Variants in ABI1 observed in about 807,000 individuals in gnomAD.
ABI1 encodes the protein Abelson interactor 1.
A neutral mutation model predicts 54.6 loss-of-function variants in ABI1; 14 were observed. That is an observed-to-expected ratio of 0.26 (90% CI 0.17 to 0.40). The LOEUF is 0.40. Ranked by LOEUF, ABI1 falls within the 10% of genes least tolerant of loss-of-function variation. ABI1 has a pLI of 1.00. For synonymous variants in ABI1, 194 were observed against 209.3 expected (o/e 0.93, Z 0.63); for missense variants, 443 against 598.3 (o/e 0.74, Z 2.71).
At chr10:26,846,021 G>A (rs987176908) in intron 1 of ABI1, among the ~76,000 whole-genome samples, 1 of 151,850 alleles carries the variant, frequency 6.6e-6, no homozygotes, top group Non-Finnish European at 1.5e-5. Context: ...GTGGGTACCT[G>A]TAATCCCAGC....
At chr10:26,835,777 A>AT (rs71281567) in intron 1 of ABI1, among the ~76,000 whole-genome samples, 29,199 of 144,054 alleles carry the variant, frequency 0.2, 3,263 homozygotes, top group African/African-American at 0.28. Context: ...TTTTACTAAT[A>AT]TTTTTTTTTT....
rs181160592 is a variant in ABI1 at position 26,848,099 on chromosome 10, T to C, written c.117+12648A>G. 2.1e-4 allele frequency among the ~76,000 whole-genome samples: 31 copies of C among 150,070 alleles called. 1 individual carries two copies. The East Asian group carries it at 6.0e-3, about 29-fold the overall frequency. ...CTGTAATTCCAGCTATTTGGGAGGCTGAGGTGGGAGGATGACCTGAGCCCA... is the reference window on the plus strand; with the variant it reads ...CTGTAATTCCAGCTATTTGGGAGGCCGAGGTGGGAGGATGACCTGAGCCCA... On this transcript the variant is annotated intron_variant, in intron 1 of 10. Coordinates refer to ENST00000376140, the MANE Select transcript of ABI1 (RefSeq NM_001012750.3).
intron 1 of ABI1, among the ~76,000 whole-genome samples, chr10:26,833,301 A>C (rs1288417027): frequency 6.6e-6 from 1 of 152,170 alleles, no homozygotes; most frequent in African/African-American, 2.4e-5. Flanking sequence ...GTTTAACTAT[A>C]ATGTAGAATA....
intron 1 of ABI1, among the ~76,000 whole-genome samples, chr10:26,823,897 G>A (rs2048141834): frequency 6.6e-6 from 1 of 151,792 alleles, no homozygotes. Flanking sequence ...ACAAACTGTA[G>A]GTGGGTAAGA....
At chr10:26,807,477 G>A (rs953750434) in intron 2 of ABI1, among the ~76,000 whole-genome samples, 2 of 151,610 alleles carry the variant, frequency 1.3e-5, no homozygotes, top group Non-Finnish European at 2.9e-5. Context: ...AGTGAGACCC[G>A]GCCTCAAAAA....
chr10:26,811,776 T>TGC (rs2047250385), intron 2 of ABI1, among the ~76,000 whole-genome samples: 1 of 87,402 alleles, frequency 1.1e-5, no homozygotes, highest in African/African-American at 3.5e-5. Context: ...TAAATTTGTA[T>TGC]AAATTTATGC....
At chr10:26,808,248 T>C (rs2046999131) in intron 2 of ABI1, among the ~76,000 whole-genome samples, 1 of 152,234 alleles carries the variant, frequency 6.6e-6, no homozygotes, top group South Asian at 2.1e-4. Flanking sequence ...GTAAGAAGAC[T>C]CATTTGATAG....
chr10:26,843,985 T>C (rs1023905595), intron 1 of ABI1, among the ~76,000 whole-genome samples: 11 of 152,196 alleles, frequency 7.2e-5, no homozygotes, highest in Admixed American at 2.6e-4. Context: ...TGTCAGGACA[T>C]AGCAAAAGCA....
At chr10:26,763,597 G>A (rs1839517320) in intron 7 of ABI1, among the ~76,000 whole-genome samples, 2 of 148,986 alleles carry the variant, frequency 1.3e-5, no homozygotes, top group Admixed American at 1.4e-4. Context: ...CGGGGCAGGG[G>A]GGATTAGACT....
chr10:26,777,172 A>T lies in ABI1; in HGVS notation c.355T>A (p.Ser119Thr). The change falls in exon 3 of 11, where the codon TCA (serine) becomes ACA (threonine). Residue 119 changes from serine to threonine, a missense_variant. Ser to Thr is a moderately conservative substitution (Grantham distance 58, BLOSUM62 1). This residue lies in a region of ABI1 where 394 missense variants were observed against 484.8 expected (regional missense o/e 0.81). Coordinates refer to ENST00000376140, the MANE Select transcript of ABI1 (RefSeq NM_001012750.3). ...IGILTTNKNT[S>T]RTHKIIAPAN... ...GGTGCTATTATTTTGTGAGTTCTTG[A>T]TGTATTCTTATTTGTTGTCAAAATA... The T allele has an allele frequency of 6.2e-7, 1 of 1,613,790 alleles. No homozygotes were observed. Among genetic ancestry groups the T allele is most frequent in the Non-Finnish European group, 8.5e-7 (1 of 1,179,838 alleles).
At chr10:26,754,862 T>C (rs1235763353) in intron 9 of ABI1, among the ~76,000 whole-genome samples, 1 of 152,178 alleles carries the variant, frequency 6.6e-6, no homozygotes, top group African/African-American at 2.4e-5. Flanking sequence ...GGATTACACA[T>C]CTTCTGGAAT....
At chr10:26,819,480 G>A (rs1175175517) in intron 2 of ABI1, among the ~76,000 whole-genome samples, 1 of 152,148 alleles carries the variant, frequency 6.6e-6, no homozygotes, top group Admixed American at 6.5e-5. Flanking sequence ...CAGAATTATA[G>A]TTGGAGATTT....
intron 1 of ABI1, among the ~76,000 whole-genome samples, chr10:26,846,583 T>C (rs762971258): frequency 6.6e-6 from 1 of 152,130 alleles, no homozygotes; most frequent in Non-Finnish European, 1.5e-5. Flanking sequence ...CCTCAAGCGA[T>C]GGGCCCACCT....
intron 2 of ABI1, among the ~76,000 whole-genome samples, chr10:26,807,253 C>G (rs911006538): frequency 6.6e-6 from 1 of 152,106 alleles, no homozygotes; most frequent in Non-Finnish European, 1.5e-5. Context: ...GGTGGTGGAT[C>G]GCTTGAGCCC....
intron 2 of ABI1, among the ~76,000 whole-genome samples, chr10:26,794,819 C>T (rs1468475797): frequency 6.6e-6 from 1 of 151,996 alleles, no homozygotes; most frequent in Non-Finnish European, 1.5e-5. Flanking sequence ...ATAATAAATA[C>T]AACTCATCTT....
intron 2 of ABI1, among the ~76,000 whole-genome samples, chr10:26,778,232 T>G (rs1170830231): frequency 6.6e-6 from 1 of 152,192 alleles, no homozygotes; most frequent in East Asian, 1.9e-4. Flanking sequence ...AATATTTTTT[T>G]AATTTAGTTG....
At chr10:26,853,314 A>ATTT (rs1564589140) in intron 1 of ABI1, among the ~76,000 whole-genome samples, 7 of 143,552 alleles carry the variant, frequency 4.9e-5, no homozygotes, top group African/African-American at 2.0e-4. Context: ...TTTTTTTTTA[A>ATTT]AAAAAATCCC....
chr10:26,769,715 T>G (rs1840416771), intron 5 of ABI1, among the ~76,000 whole-genome samples: 1 of 152,226 alleles, frequency 6.6e-6, no homozygotes, highest in African/African-American at 2.4e-5. Context: ...CCAACTGGCC[T>G]TCCCATGGAG....
At chr10:26,835,121 A>C (rs2048976738) in intron 1 of ABI1, among the ~76,000 whole-genome samples, 1 of 148,508 alleles carries the variant, frequency 6.7e-6, no homozygotes. Context: ...AAAAACCCAC[A>C]ATGCAATATC....
Sources: gnomAD v4.1 joint callset for allele counts (sites outside exome capture counted in the v4.1 genomes callset) on GRCh38, gnomAD v4.1.1 for gene constraint, gnomAD v4.1.1 regional missense constraint, MANE v1.5 for transcripts, NCBI Gene and HGNC (gene_info 2026-07-23, HGNC 2026-07-21) for gene names.